Variants in LDHD observed in about 807,000 individuals in gnomAD.
LDHD encodes lactate dehydrogenase D.
In LDHD, 58 loss-of-function variants were observed where a neutral mutation model predicts 52.9. That is an observed-to-expected ratio of 1.10 (90% CI 0.89 to 1.36). The LOEUF (loss-of-function observed/expected upper bound fraction) is 1.36. Among genes scored for constraint, LDHD ranks in the 40% most tolerant of loss-of-function variants. LDHD has a pLI of 0.00. For synonymous variants in LDHD, 350 were observed against 288.6 expected, an observed-to-expected ratio of 1.21 and a Z score of -2.16; for missense variants, 747 against 668.0, an observed-to-expected ratio of 1.12 and a Z score of -1.30.
At chr16:75,113,148 C>G (rs2145440429) in intron 8 of LDHD, among the ~76,000 whole-genome samples, 1 of 152,300 alleles carries the variant, frequency 6.6e-6, no homozygotes, top group South Asian at 2.1e-4. Flanking sequence ...GGCTCCCACC[C>G]CCAAGCCCCA....
In LDHD at chr16:75,115,400, A is replaced by G; in HGVS notation, c.186-61T>C. 1.9e-6 allele frequency: 3 copies of G among 1,606,264 alleles called. No homozygotes were observed. In the East Asian group the frequency reaches 6.7e-5, roughly 36 times the overall value. On this transcript the variant is annotated intron_variant, in intron 2 of 10. Coordinates refer to ENST00000450168, the MANE Select transcript of LDHD (RefSeq NM_194436.3). Reference sequence around the variant, plus strand: ...ACACCCTCTGGTCCCGAGGTGTTGCAGGGCCTGAGGCTACAGCAAGCGAGG... The same window carrying G: ...ACACCCTCTGGTCCCGAGGTGTTGCGGGGCCTGAGGCTACAGCAAGCGAGG...
chr16:75,112,546 CA>C (rs1470332689), intron 10 of LDHD, 25 bp from the exon 11 acceptor site: 1 of 1,613,220 alleles, frequency 6.2e-7, no homozygotes, highest in East Asian at 2.2e-5. Flanking sequence ...GAGACATCCT[CA>C]GGGGGCTCCC....
At chr16:75,115,423 A>T in intron 2 of LDHD, 84 bp from the exon 3 acceptor site, 1 of 1,597,454 alleles carries the variant, frequency 6.3e-7, no homozygotes, top group Non-Finnish European at 8.6e-7. Flanking sequence ...ACAGCAAGCG[A>T]GGGGCAGAGA....
intron 1 of LDHD, among the ~76,000 whole-genome samples, chr16:75,115,918 C>CT (rs916481232): frequency 4.8e-5 from 6 of 124,126 alleles, no homozygotes; most frequent in Non-Finnish European, 8.9e-5. Context: ...TTAATGTTTT[C>CT]TTTTTTAATA....
chr16:75,114,764 C>T, intron 4 of LDHD, 63 bp downstream of exon 4: 1 of 1,579,080 alleles, frequency 6.3e-7, no homozygotes, highest in Non-Finnish European at 8.6e-7. Context: ...GTCCCCTGAA[C>T]CCCAGACACA....
intron 2 of LDHD, 23 bp downstream of exon 2, chr16:75,115,525 G>A (rs755263528): frequency 1.8e-5 from 29 of 1,606,664 alleles, no homozygotes; most frequent in Non-Finnish European, 2.2e-5. Flanking sequence ...AGACAGGGGA[G>A]GGGCCCGCGA....
At position 75,112,529 on chromosome 16, in the gene LDHD, C is replaced by T; in HGVS notation, c.1290-8G>A. The T allele has an allele frequency of 6.2e-7, 1 of 1,612,996 alleles. No homozygotes were observed. Among genetic ancestry groups the T allele is most frequent in the Non-Finnish European group, 8.5e-7 (1 of 1,179,582 alleles). On this transcript the variant is annotated splice_region_variant and splice_polypyrimidine_tract_variant and intron_variant, in intron 10 of 10. Coordinates refer to ENST00000450168, the MANE Select transcript of LDHD (RefSeq NM_194436.3). Reference sequence around the variant, plus strand: ...TGGAGAGCCAGTGCCCGCCTGGGGGCAGGAAGGAGACATCCTCAGGGGGCT... The same window carrying T: ...TGGAGAGCCAGTGCCCGCCTGGGGGTAGGAAGGAGACATCCTCAGGGGGCT...
chr16:75,114,875 T>G lies in LDHD; in HGVS notation c.421A>C (p.Lys141Gln), dbSNP rs753957114. Residue 141 changes from lysine (K) to glutamine (Q), a missense_variant, in exon 4 of 11, where the codon AAA becomes CAA. Physicochemically the swap from Lys to Gln is moderately conservative, Grantham distance 53 (BLOSUM62 1). Coordinates refer to ENST00000450168, the MANE Select transcript of LDHD (RefSeq NM_194436.3). ...SVVVEPGVTR[K>Q]ALNAHLRDSG... The stretch of plus-strand genomic sequence containing the variant: ...TCCCGCAGGTGGGCGTTGAGGGCTT[T>G]GCGGGTGACACCTGGCTCCACCACC... 1 of 1,613,984 alleles carries G rather than the reference T, an allele frequency of 6.2e-7. No homozygotes were observed. Among genetic ancestry groups the G allele is most frequent in the Admixed American group, 1.7e-5 (1 of 60,004 alleles).
chr16:75,113,361 G>C (rs1020627515), intron 8 of LDHD, among the ~76,000 whole-genome samples, 174 bp downstream of exon 8: 10 of 152,234 alleles, frequency 6.6e-5, no homozygotes, highest in African/African-American at 1.9e-4. Context: ...CCTGTAGACG[G>C]TATCTGAACA....
In LDHD at chr16:75,115,221, C is replaced by T; in HGVS notation, c.304G>A (p.Glu102Lys). The change falls in exon 3 of 11, where the codon GAG (glutamate) becomes AAG (lysine). Residue 102 changes from glutamate to lysine, a missense_variant. Glu to Lys is a moderately conservative substitution (Grantham distance 56). Transcript: ENST00000450168. ...ACCTGCACAGCACAGACGCCACCCT[C>T]AAGCCCGGTGCCGGTGCCGAATGGG... is the stretch of plus-strand genomic sequence containing the variant. Reference protein sequence around the residue: ...IIPFGTGTGLEGGVCAVQGGV... With the variant: ...IIPFGTGTGLKGGVCAVQGGV... 6.2e-7 allele frequency: 1 copy of T among 1,613,060 alleles called. No homozygotes were observed. The highest frequency in any genetic ancestry group is 1.1e-5 in the South Asian group (1 of 91,086).
In LDHD at chr16:75,112,367, T is replaced by C; in HGVS notation, c.1444A>G (p.Lys482Glu). The C allele has an allele frequency of 6.2e-7, 1 of 1,610,682 alleles. No individual in the cohort carries two copies. The highest frequency in any genetic ancestry group is 1.1e-5 in the South Asian group (1 of 90,974). The change falls in exon 11 of 11, where the codon AAA becomes GAA. Residue 482 changes from lysine (K) to glutamate (E), a missense_variant. Lys to Glu is a moderately conservative substitution (Grantham distance 56, BLOSUM62 1). Coordinates refer to ENST00000450168, the MANE Select transcript of LDHD (RefSeq NM_194436.3). ...LDPQGLMNPG[K>E]VL Reference sequence around the variant, plus strand: ...TGCTCAGACCCCCTTCACAGCACTTTGCCTGGATTCATGAGGCCTTGGGGG... The same window carrying C: ...TGCTCAGACCCCCTTCACAGCACTTCGCCTGGATTCATGAGGCCTTGGGGG...
rs1394235531 is a variant in LDHD at position 75,114,604 on chromosome 16, C to T, written c.551G>A (p.Arg184Gln). 2.0e-6 allele frequency: 3 copies of T among 1,534,904 alleles called. No individual in the cohort carries two copies. Among genetic ancestry groups the T allele is most frequent in the Non-Finnish European group, 2.6e-6 (3 of 1,145,412 alleles). Residue 184 changes from arginine (R) to glutamine (Q), a missense_variant, in exon 5 of 11, where the codon CGG (arginine) becomes CAG (glutamine). By Grantham distance (43) the Arg-to-Gln change is conservative (BLOSUM62 1). Transcript: ENST00000450168. ...GTNAVRYGTMRDNVLNLEVVL... is the reference protein window; with the variant it reads ...GTNAVRYGTMQDNVLNLEVVL... ...CACCTCCAGGTTGAGCACGTTGTCC[C>T]GCATGGTGCCGTAGCGGACCGCGTT...
Position 75,112,113 on chromosome 16 carries a change from G to C in LDHD, c.*243C>G. 2.0e-6 allele frequency: 1 copy of C among 490,350 alleles called. No homozygotes were observed. The highest frequency in any genetic ancestry group is 3.6e-6 in the Non-Finnish European group (1 of 278,040). 30.4% of individuals were successfully genotyped at this position (490,350 alleles called of 1,614,324 possible). A position where few individuals can be genotyped will look rare whatever the true frequency, so the allele number is the denominator to read the frequency against. ...GTAGGAGCAGAGAGGAAGCAGCTTTGCTGGGAACCACCCTGGGTCGTTTAC... is the reference window on the plus strand; with the variant it reads ...GTAGGAGCAGAGAGGAAGCAGCTTTCCTGGGAACCACCCTGGGTCGTTTAC... On this transcript the variant is annotated 3_prime_UTR_variant, in exon 11 of 11. Transcript: ENST00000450168.
intron 2 of LDHD, 80 bp from the exon 3 acceptor site, chr16:75,115,419 A>T: frequency 6.3e-7 from 1 of 1,599,464 alleles, no homozygotes; most frequent in East Asian, 2.2e-5. Flanking sequence ...GGCTACAGCA[A>T]GCGAGGGGCA....
At chr16:75,114,724 A>C in intron 4 of LDHD, 39 bp from the exon 5 acceptor site, 1 of 1,548,072 alleles carries the variant, frequency 6.5e-7, no homozygotes, top group South Asian at 1.2e-5. Context: ...CAGGGACCGG[A>C]GGTCCTTTCC....
intron 8 of LDHD, 70 bp downstream of exon 8, chr16:75,113,465 G>C (rs1597920683): frequency 2.6e-6 from 4 of 1,517,686 alleles, no homozygotes; most frequent in East Asian, 2.3e-5. Context: ...CTGTGCAGTA[G>C]AGTGGTGGGT....
Position 75,112,338 on chromosome 16 carries a change from TAA to T in LDHD, c.*16_*17del. 6.3e-7 allele frequency: 1 copy of T among 1,588,492 alleles called. No homozygotes were observed. The highest frequency in any genetic ancestry group is 8.6e-7 in the Non-Finnish European group (1 of 1,162,250). On this transcript the variant is annotated 3_prime_UTR_variant, in exon 11 of 11. Coordinates refer to ENST00000450168, the MANE Select transcript of LDHD (RefSeq NM_194436.3). Reference sequence around the variant, plus strand: ...CTCCGTAGTCAGGGAACTTGTGGGCTAAGTGCTCAGACCCCCTTCACAGCACT... The same window carrying T: ...CTCCGTAGTCAGGGAACTTGTGGGCTGTGCTCAGACCCCCTTCACAGCACT...
chr16:75,116,653 G>C lies in LDHD; in HGVS notation c.68C>G (p.Ala23Gly), dbSNP rs1386951559. 1.2e-6 allele frequency: 2 copies of C among 1,604,670 alleles called. No individual in the cohort carries two copies. The highest frequency in any genetic ancestry group is 1.7e-6 in the Non-Finnish European group (2 of 1,176,018). Residue 23 changes from alanine (A) to glycine (G), a missense_variant, in exon 1 of 11, where the codon GCA (alanine) becomes GGA (glycine). Ala to Gly is a moderately conservative substitution (Grantham distance 60). Coordinates refer to ENST00000450168, the MANE Select transcript of LDHD (RefSeq NM_194436.3). ...ACTTCTCTTCTCTCCCGGTACCTTT[G>C]CCTTCTGGGAGCAGTAGCCCCTCCA... ...FPWRGYCSQK[A>G]KGELCRDFVE...
At position 75,113,680 on chromosome 16, in the gene LDHD, G is replaced by T; in HGVS notation, c.959-18C>A. Reference sequence around the variant, plus strand: ...TATCTCCTCTGCAGTTGGGGAAGGGGGGCTGACACCGGGCCGCCACTGAGG... The same window carrying T: ...TATCTCCTCTGCAGTTGGGGAAGGGTGGCTGACACCGGGCCGCCACTGAGG... On this transcript the variant is annotated intron_variant, in intron 7 of 10. Transcript: ENST00000450168. 6.2e-7 allele frequency: 1 copy of T among 1,612,992 alleles called. No homozygotes were observed. The highest frequency in any genetic ancestry group is 8.5e-7 in the Non-Finnish European group (1 of 1,179,560).
Sources: gnomAD v4.1 joint callset for allele counts (sites outside exome capture counted in the v4.1 genomes callset) on GRCh38, gnomAD v4.1.1 for gene constraint, MANE v1.5 for transcripts, NCBI Gene and HGNC (gene_info 2026-07-23, HGNC 2026-07-21) for gene names.